LRRC7: variants seen among roughly 807,000 people sequenced by gnomAD.
LRRC7 encodes leucine rich repeat containing 7.
In LRRC7, 23 loss-of-function variants were observed where a neutral mutation model predicts 175.7. The ratio of observed to expected loss-of-function variants is 0.13; its 90% CI spans 0.09 to 0.19. The LOEUF (loss-of-function observed/expected upper bound fraction) is 0.19, where lower values mean the gene tolerates loss of function less well. Among genes scored for constraint, LRRC7 ranks in the 10% least tolerant of loss-of-function variants. The probability of loss-of-function intolerance (pLI) is 1.00; values close to 1 mark genes in which losing one functional copy is unlikely to be tolerated. For synonymous variants in LRRC7, 685 were observed against 680.9 expected (o/e 1.01, Z -0.09); for missense variants, 1,354 against 1,904.7 (o/e 0.71, Z 5.38).
intron 26 of LRRC7, among the ~76,000 whole-genome samples, chr1:70,116,305 T>C (rs970495255): frequency 6.6e-6 from 1 of 152,154 alleles, no homozygotes; most frequent in African/African-American, 2.4e-5. Flanking sequence ...CCCAGCACTT[T>C]GGGAGGCCGA....
intron 1 of LRRC7, among the ~76,000 whole-genome samples, chr1:69,597,275 T>G (rs1646880854): frequency 6.6e-6 from 1 of 152,090 alleles, no homozygotes; most frequent in Non-Finnish European, 1.5e-5. Context: ...TGGGAATTAA[T>G]CTCATTCCAC....
intron 25 of LRRC7, among the ~76,000 whole-genome samples, chr1:70,105,068 C>T (rs1665050014): frequency 6.6e-6 from 1 of 152,126 alleles, no homozygotes; most frequent in Admixed American, 6.5e-5. Flanking sequence ...AAAGGAGGGG[C>T]TACCAGGGGA....
intron 1 of LRRC7, among the ~76,000 whole-genome samples, chr1:69,658,758 CAAAGTTTTTAAATACTAGAACCTTCT>C (rs1233725316): frequency 6.6e-6 from 1 of 151,980 alleles, no homozygotes; most frequent in African/African-American, 2.4e-5. Context: ...AATCACATCG[CAAAGTTTTTAAATACTAGAACCTTCT>C]AAAGTGTATG....
At chr1:69,781,477 G>A (rs182846197) in intron 3 of LRRC7, among the ~76,000 whole-genome samples, 6 of 151,514 alleles carry the variant, frequency 4.0e-5, no homozygotes, top group Admixed American at 3.3e-4. Flanking sequence ...AGGTCAGGAG[G>A]TCGAGACTAG....
chr1:70,106,700 C>T (rs17131206), intron 25 of LRRC7, among the ~76,000 whole-genome samples: 4 of 152,118 alleles, frequency 2.6e-5, no homozygotes, highest in African/African-American at 7.2e-5. Flanking sequence ...CAATCCCATC[C>T]ACTACCACCC....
intron 1 of LRRC7, among the ~76,000 whole-genome samples, chr1:69,621,790 T>A (rs939912910): frequency 2.6e-5 from 4 of 152,212 alleles, no homozygotes; most frequent in Non-Finnish European, 5.9e-5. Context: ...AAACCCTTAC[T>A]GGACTGGACC....
intron 24 of LRRC7, among the ~76,000 whole-genome samples, chr1:70,082,981 C>T (rs1456707006): frequency 5.3e-5 from 8 of 151,250 alleles, no homozygotes; most frequent in African/African-American, 1.5e-4. Context: ...GATGGAGTTT[C>T]GCCATGTTGG....
At position 69,887,224 on chromosome 1, in the gene LRRC7, G is replaced by A. The variant is rs1418587777; in HGVS notation, c.648-44283G>A. Among the ~76,000 whole-genome samples, 10 of 124,150 alleles carry A rather than the reference G, an allele frequency of 8.1e-5. No homozygotes were observed. The East Asian group carries it at 2.3e-3, about 29-fold the overall frequency. 81.4% of individuals were successfully genotyped at this position (124,150 alleles called of 152,430 possible). A position where few individuals can be genotyped will look rare whatever the true frequency, so the allele number is the denominator to read the frequency against. On this transcript the variant is annotated intron_variant, in intron 7 of 26. Coordinates refer to ENST00000651989, the MANE Select transcript of LRRC7 (RefSeq NM_001370785.2). ...ATCCTGCAGAGTGTTTTCCAACTTG[G>A]TTCCATTCTCCCCATCACTTTCAGG...
intron 2 of LRRC7, among the ~76,000 whole-genome samples, chr1:69,711,437 T>C (rs1664739543): frequency 6.6e-6 from 1 of 152,150 alleles, no homozygotes; most frequent in Admixed American, 6.5e-5. Flanking sequence ...CTTAGCCAAT[T>C]CAATATCTGT....
At chr1:69,944,242 C>A (rs1178305681) in intron 8 of LRRC7, among the ~76,000 whole-genome samples, 1 of 152,066 alleles carries the variant, frequency 6.6e-6, no homozygotes, top group Non-Finnish European at 1.5e-5. Context: ...CTTTCTGTGA[C>A]TGGCTTATTT....
At chr1:69,754,847 A>T (rs2100912388) in intron 2 of LRRC7, among the ~76,000 whole-genome samples, 1 of 152,168 alleles carries the variant, frequency 6.6e-6, no homozygotes, top group South Asian at 2.1e-4. Flanking sequence ...TTAGACATTT[A>T]AAAAAATGTA....
At chr1:69,678,593 C>T (rs1660091149) in intron 2 of LRRC7, 115 bp downstream of exon 2, 7 of 698,242 alleles carry the variant, frequency 1.0e-5, no homozygotes, top group South Asian at 1.8e-5. Context: ...TTTGTTGAGT[C>T]GAGTTGGTCT....
intron 8 of LRRC7, among the ~76,000 whole-genome samples, chr1:69,948,570 TG>T (rs1440478329): frequency 6.6e-6 from 1 of 152,144 alleles, no homozygotes. Context: ...ACATATCATT[TG>T]GGTCCTTCAA....
intron 8 of LRRC7, among the ~76,000 whole-genome samples, chr1:69,965,466 T>C (rs1243731239): frequency 1.3e-5 from 2 of 152,154 alleles, no homozygotes; most frequent in Admixed American, 1.3e-4. Flanking sequence ...GCTTAAAGTG[T>C]TTTAATTAAT....
At position 70,143,614 on chromosome 1, in the gene LRRC7, G is replaced by A. The variant is rs1394472005; in HGVS notation, c.*21727G>A. 1.3e-5 allele frequency: 2 copies of A among 152,042 alleles called. No homozygotes were observed. The highest frequency in any genetic ancestry group is 3.9e-4 in the East Asian group (2 of 5,172). 9.4% of individuals were successfully genotyped at this position (152,042 alleles called of 1,614,324 possible). A position where few individuals can be genotyped will look rare whatever the true frequency, so the allele number is the denominator to read the frequency against. On this transcript the variant is annotated 3_prime_UTR_variant, in exon 27 of 27. Transcript: ENST00000651989. ...CCTTTTCTGTCTCTTTGCTAGCCTA[G>A]GTGGCTGTATACAAATTCGGGTGGG...
At chr1:69,761,886 T>C (rs1179986757) in intron 3 of LRRC7, among the ~76,000 whole-genome samples, 1 of 151,922 alleles carries the variant, frequency 6.6e-6, no homozygotes, top group Non-Finnish European at 1.5e-5. Flanking sequence ...GTATATAAGT[T>C]TGCATAAGTC....
In LRRC7 at chr1:69,989,690, A is replaced by G. The variant is rs545528073; in HGVS notation, c.931+3304A>G. Among the ~76,000 whole-genome samples the G allele has an allele frequency of 2.6e-5, 4 of 152,272 alleles. No homozygotes were observed. The South Asian group carries it at 8.3e-4, about 32-fold the overall frequency. ...AATAAATACAGAATTCCAGAAATAC[A>G]GAACAGAATAAATGGAAAAGAGGAA... On this transcript the variant is annotated intron_variant, in intron 10 of 26. Transcript: ENST00000651989.
At chr1:69,828,860 C>A (rs999952711) in intron 5 of LRRC7, among the ~76,000 whole-genome samples, 1 of 151,850 alleles carries the variant, frequency 6.6e-6, no homozygotes, top group African/African-American at 2.4e-5. Context: ...TATGGTTTAA[C>A]TGTTCTATTA....
rs529642433 is a variant in LRRC7, at chr1:69,661,088, G to T, written c.3-17293G>T. Among the ~76,000 whole-genome samples, 12 of 152,042 alleles carry T rather than the reference G, an allele frequency of 7.9e-5. No homozygotes were observed. The South Asian group carries it at 2.1e-3, about 26-fold the overall frequency. ...TAAGGAACAGAAAATGAAATGCCAG[G>T]TTCAGAGTTTAAAGGGGAAGTGTTA... On this transcript the variant is annotated intron_variant, in intron 1 of 26. Coordinates refer to ENST00000651989, the MANE Select transcript of LRRC7 (RefSeq NM_001370785.2).
Sources: allele counts gnomAD v4.1 joint callset (sites outside exome capture counted in the v4.1 genomes callset), GRCh38; gene constraint gnomAD v4.1.1; transcripts MANE v1.5; gene names NCBI Gene and HGNC (gene_info 2026-07-23, HGNC 2026-07-21).